Variants in CNRIP1 observed in about 807,000 individuals in gnomAD.
CNRIP1 encodes CB1 cannabinoid receptor-interacting protein 1.
CNRIP1 carries 10 observed loss-of-function variants against 15.2 expected under a neutral mutation model. The observed-to-expected ratio is 0.66, with a 90% CI of 0.41 to 1.12. The LOEUF is 1.12. Ranked by LOEUF, CNRIP1 falls within the 50% of genes most tolerant of loss-of-function variation. The pLI, the probability that CNRIP1 is intolerant of heterozygous loss-of-function variation, is 0.00. For synonymous variants in CNRIP1, 91 were observed against 83.2 expected (o/e 1.09, Z -0.51); for missense variants, 211 against 214.7 (o/e 0.98, Z 0.11).
downstream of CNRIP1, among the ~76,000 whole-genome samples, chr2:68,289,739 C>G (rs952201748): frequency 3.9e-5 from 6 of 152,198 alleles, no homozygotes; most frequent in Non-Finnish European, 7.3e-5. Flanking sequence ...CATTGGCCCC[C>G]CAAAGTGCTG....
intron 2 of CNRIP1, among the ~76,000 whole-genome samples, chr2:68,287,370 A>G (rs925968801): frequency 2.0e-5 from 3 of 152,252 alleles, no homozygotes; most frequent in African/African-American, 4.8e-5. Flanking sequence ...TTGATACAAC[A>G]TAAAGGACAG....
rs1408095006 is a variant in CNRIP1, at chr2:68,293,367, T to G, written c.*495A>C. On this transcript the variant is annotated 3_prime_UTR_variant, in exon 3 of 3. Coordinates refer to ENST00000263655, the MANE Select transcript of CNRIP1 (RefSeq NM_015463.3). ...CATTTGAGTCCCATTCACTGCTGTT[T>G]GTATTACATTTTCACAAAGCCTGCT... 2 of 986,630 alleles carry G rather than the reference T, an allele frequency of 2.0e-6. No individual in the cohort carries two copies. The highest frequency in any genetic ancestry group is 3.5e-5 in the African/African-American group (2 of 57,266). The allele number at this position is 986,630 out of a possible 1,614,324, so 61.1% of individuals were successfully genotyped here.
chr2:68,287,794 G>T (rs6736765), intron 2 of CNRIP1, among the ~76,000 whole-genome samples: 4,231 of 152,280 alleles, frequency 0.028, 194 homozygotes, highest in African/African-American at 0.098. Flanking sequence ...GACGGGGGAG[G>T]GCTGGAAACA....
At chr2:68,319,044 C>T (rs1195708734) in intron 1 of CNRIP1, among the ~76,000 whole-genome samples, 178 bp downstream of exon 1, 1 of 152,240 alleles carries the variant, frequency 6.6e-6, no homozygotes, top group Non-Finnish European at 1.5e-5. Context: ...GGAATACAAG[C>T]CAAAGGGAAG....
Position 68,294,568 on chromosome 2 carries a change from G to A in CNRIP1, c.331-542C>T, listed in dbSNP as rs1352005513. Among the ~76,000 whole-genome samples, 6 of 152,114 alleles carry A rather than the reference G, an allele frequency of 3.9e-5. 1 individual carries two copies. The highest frequency in any genetic ancestry group is 3.9e-4 in the Admixed American group (6 of 15,272). On this transcript the variant is annotated intron_variant, in intron 2 of 2. Coordinates refer to ENST00000263655, the MANE Select transcript of CNRIP1 (RefSeq NM_015463.3). ...TGGCGAAGGGAAGAGAAGGAATAAA[G>A]TTTACTGGCTTTTCTCAAAATACAA...
At chr2:68,318,115 C>G (rs1672345266) in intron 1 of CNRIP1, among the ~76,000 whole-genome samples, 4 of 151,652 alleles carry the variant, frequency 2.6e-5, no homozygotes, top group African/African-American at 9.7e-5. Flanking sequence ...GCACAGAACA[C>G]TGGGAAATGT....
chr2:68,301,039 A>C (rs1671587069), intron 2 of CNRIP1, among the ~76,000 whole-genome samples: 2 of 152,242 alleles, frequency 1.3e-5, no homozygotes, highest in African/African-American at 2.4e-5. Context: ...AACAGTTCTC[A>C]AATAATTTTA....
intron 2 of CNRIP1, among the ~76,000 whole-genome samples, chr2:68,300,013 T>A (rs1364114202): frequency 6.6e-6 from 1 of 152,246 alleles, no homozygotes; most frequent in Admixed American, 6.5e-5. Flanking sequence ...TAAATATGCA[T>A]CTGTGACTTT....
intron 2 of CNRIP1, among the ~76,000 whole-genome samples, chr2:68,309,055 C>G (rs557440939): frequency 2.0e-5 from 3 of 152,278 alleles, no homozygotes; most frequent in African/African-American, 7.2e-5. Flanking sequence ...TGAAAACACT[C>G]CACATGAAAC....
intron 2 of CNRIP1, among the ~76,000 whole-genome samples, chr2:68,312,459 T>C (rs1412782228): frequency 6.6e-6 from 1 of 152,270 alleles, no homozygotes; most frequent in African/African-American, 2.4e-5. Context: ...AGAAGAGAAC[T>C]CCTTTAACCT....
At chr2:68,309,324 A>G (rs145134494) in intron 2 of CNRIP1, among the ~76,000 whole-genome samples, 1 of 152,330 alleles carries the variant, frequency 6.6e-6, no homozygotes, top group Non-Finnish European at 1.5e-5. Flanking sequence ...AAAACCCCCA[A>G]AAGGCAAAAG....
rs562040348 is a variant in CNRIP1 at position 68,313,211 on chromosome 2, T to G, written c.330+3946A>C. On this transcript the variant is annotated intron_variant, in intron 2 of 2. Transcript: ENST00000263655. Reference sequence around the variant, plus strand: ...ATTAAAAAGACATACATTGAGTATGTAAAGCAACTAGAATTCTCATACACT... The same window carrying G: ...ATTAAAAAGACATACATTGAGTATGGAAAGCAACTAGAATTCTCATACACT... Among the ~76,000 whole-genome samples the G allele has an allele frequency of 7.2e-5, 11 of 152,272 alleles. No homozygotes were observed. The South Asian group carries it at 2.3e-3, about 32-fold the overall frequency.
chr2:68,293,033 A>G lies in CNRIP1; in HGVS notation c.*829T>C. 1 of 985,476 alleles carries G rather than the reference A, an allele frequency of 1.0e-6. No individual in the cohort carries two copies. Among genetic ancestry groups the G allele is most frequent in the Non-Finnish European group, 1.2e-6 (1 of 829,938 alleles). The allele number at this position is 985,476 out of a possible 1,614,324, so 61.0% of individuals were successfully genotyped here. A position where few individuals can be genotyped will look rare whatever the true frequency, so the allele number is the denominator to read the frequency against. On this transcript the variant is annotated 3_prime_UTR_variant, in exon 3 of 3. Transcript: ENST00000263655. ...CATGATTTTCAACGCCTTTATTAAGAAATATCAAAAGTTGATTACAGGTCC... is the reference window on the plus strand; with the variant it reads ...CATGATTTTCAACGCCTTTATTAAGGAATATCAAAAGTTGATTACAGGTCC...
In CNRIP1 at chr2:68,319,553, C is replaced by T. The variant is rs1672419100; in HGVS notation, c.-153G>A. On this transcript the variant is annotated 5_prime_UTR_variant, in exon 1 of 3. Transcript: ENST00000263655. ...TGCCGCTAGGAACCCGCGCCGTCGC[C>T]GCCGTCCGCCCGGGCTTTTGAGGAG... The T allele has an allele frequency of 5.4e-6, 4 of 739,982 alleles. No homozygotes were observed. The highest frequency in any genetic ancestry group is 8.2e-6 in the Non-Finnish European group (4 of 486,744). The allele number at this position is 739,982 out of a possible 1,614,324, so 45.8% of individuals were successfully genotyped here. A position where few individuals can be genotyped will look rare whatever the true frequency, so the allele number is the denominator to read the frequency against.
At chr2:68,302,147 G>T (rs761185407) in intron 2 of CNRIP1, among the ~76,000 whole-genome samples, 4 of 151,792 alleles carry the variant, frequency 2.6e-5, no homozygotes, top group Non-Finnish European at 5.9e-5. Flanking sequence ...TTTATAAATT[G>T]CCTATTTATA....
At chr2:68,292,115 C>T (rs1417498305), downstream of CNRIP1, among the ~76,000 whole-genome samples, 2 of 152,000 alleles carry the variant, frequency 1.3e-5, no homozygotes, top group Non-Finnish European at 2.9e-5. Flanking sequence ...GTAGTAAATC[C>T]ATTGTTTTAA....
intron 2 of CNRIP1, among the ~76,000 whole-genome samples, chr2:68,314,040 C>T (rs561559083): frequency 6.6e-6 from 1 of 152,164 alleles, no homozygotes. Context: ...TTCATTTTTT[C>T]CTCAAGAAAA....
At chr2:68,313,052 A>G (rs1672148338) in intron 2 of CNRIP1, among the ~76,000 whole-genome samples, 2 of 152,258 alleles carry the variant, frequency 1.3e-5, no homozygotes, top group East Asian at 1.9e-4. Flanking sequence ...AATCTATATA[A>G]AACACAAAGG....
chr2:68,285,073 C>T (rs1026722257), intron 2 of CNRIP1, among the ~76,000 whole-genome samples: 2 of 152,130 alleles, frequency 1.3e-5, no homozygotes, highest in African/African-American at 4.8e-5. Flanking sequence ...TCCCTTGTTC[C>T]CTGAGGGAGG....
Sources: gnomAD v4.1 joint callset for allele counts (sites outside exome capture counted in the v4.1 genomes callset) on GRCh38, gnomAD v4.1.1 for gene constraint, MANE v1.5 for transcripts, NCBI Gene and HGNC (gene_info 2026-07-23, HGNC 2026-07-21) for gene names.